The following TBC1D5 variants were observed in gnomAD, a reference collection of about 807,000 sequenced individuals.
TBC1D5 encodes TBC1 domain family, member 5.
A neutral mutation model predicts 100.3 loss-of-function variants in TBC1D5; 75 were observed. The observed-to-expected ratio is 0.75, with a 90% CI of 0.62 to 0.91. The LOEUF is 0.91. Among genes scored for constraint, TBC1D5 ranks in the 40% least tolerant of loss-of-function variants. TBC1D5 has a pLI of 0.00. For missense variants in TBC1D5, 910 were observed against 942.4 expected, an observed-to-expected ratio of 0.97 and a Z score of 0.45; for synonymous variants, 323 against 325.6, an observed-to-expected ratio of 0.99 and a Z score of 0.09.
Position 17,171,622 on chromosome 3 carries a change from G to A in TBC1D5, c.1853-3794C>T, listed in dbSNP as rs893097485. Among the ~76,000 whole-genome samples the A allele has an allele frequency of 6.2e-4, 94 of 151,936 alleles. 4 individuals are homozygous for A. Among genetic ancestry groups the A allele is most frequent in the Non-Finnish European group, 1.6e-4 (11 of 67,974 alleles). On this transcript the variant is annotated intron_variant, in intron 19 of 21. Transcript: ENST00000253692. Reference sequence around the variant, plus strand: ...GCATTCTCCCTGTATGTCTGTTATCGAAATTCCCCTCTTCTTATAAGGACA... The same window carrying A: ...GCATTCTCCCTGTATGTCTGTTATCAAAATTCCCCTCTTCTTATAAGGACA...
At chr3:17,533,070 C>T (rs886445986) in intron 2 of TBC1D5, among the ~76,000 whole-genome samples, 1 of 116,946 alleles carries the variant, frequency 8.6e-6, no homozygotes, top group Non-Finnish European at 1.8e-5. Context: ...CACACACATA[C>T]ACAGACACAC....
chr3:17,341,228 G>A (rs146039221), intron 13 of TBC1D5, among the ~76,000 whole-genome samples: 3,419 of 151,496 alleles, frequency 0.023, 124 homozygotes, highest in African/African-American at 0.077. Flanking sequence ...ATGGAGTCTC[G>A]CTCTGTCGCC....
Position 17,194,535 on chromosome 3 carries a change from T to G in TBC1D5, c.1753-9327A>C, listed in dbSNP as rs180764080. 3.5e-4 allele frequency among the ~76,000 whole-genome samples: 53 copies of G among 152,364 alleles called. No homozygotes were observed. The East Asian group carries it at 8.5e-3, about 24-fold the overall frequency. On this transcript the variant is annotated intron_variant, in intron 18 of 21. Coordinates refer to ENST00000253692, the Ensembl canonical transcript of TBC1D5. ...ACAAGTGAAATATGAATTAATTTTA[T>G]TGGATTATGCATGCTCTCTTCTGTA...
rs997796641 is a variant in TBC1D5 at position 17,412,289 on chromosome 3, G to A, written c.168-5763C>T. On this transcript the variant is annotated intron_variant, in intron 4 of 21. Transcript: ENST00000253692. Reference sequence around the variant, plus strand: ...CTGCAAAGCCCTCTGGTAGTACAGAGGGGAAAGAAATGGTTTGATACTTCA... The same window carrying A: ...CTGCAAAGCCCTCTGGTAGTACAGAAGGGAAAGAAATGGTTTGATACTTCA... Among the ~76,000 whole-genome samples, 7 of 152,066 alleles carry A rather than the reference G, an allele frequency of 4.6e-5. No homozygotes were observed. In the South Asian group the frequency reaches 1.5e-3, roughly 32 times the overall value.
intron 2 of TBC1D5, among the ~76,000 whole-genome samples, chr3:17,572,591 T>C (rs1398896614): frequency 6.6e-6 from 1 of 152,072 alleles, no homozygotes; most frequent in Non-Finnish European, 1.5e-5. Context: ...TGATACTCTA[T>C]AATGCTTCAT....
At chr3:17,259,711 A>C in intron 15 of TBC1D5, among the ~76,000 whole-genome samples, 1 of 42,638 alleles carries the variant, frequency 2.3e-5, no homozygotes, top group Admixed American at 2.9e-4. Flanking sequence ...GCATGCAGGC[A>C]CGGGGGGGGT....
intron 13 of TBC1D5, among the ~76,000 whole-genome samples, chr3:17,321,144 T>C (rs1331428447): frequency 6.6e-6 from 1 of 152,252 alleles, no homozygotes; most frequent in Non-Finnish European, 1.5e-5. Context: ...CATAGCTCAC[T>C]ACAGCCTTGA....
At chr3:17,351,273 A>T (rs200250612) in intron 13 of TBC1D5, among the ~76,000 whole-genome samples, 2 of 152,190 alleles carry the variant, frequency 1.3e-5, no homozygotes, top group South Asian at 2.1e-4. Context: ...ATAAAGACAC[A>T]TGCACATGTG....
intron 1 of TBC1D5, among the ~76,000 whole-genome samples, chr3:17,653,060 T>A (rs1015422744): frequency 1.3e-5 from 2 of 152,202 alleles, no homozygotes; most frequent in East Asian, 3.8e-4. Context: ...AAAGTCACTA[T>A]TATTCCACTT....
chr3:17,708,731 T>C (rs1047690390), intron 1 of TBC1D5, among the ~76,000 whole-genome samples: 1 of 152,268 alleles, frequency 6.6e-6, no homozygotes, highest in African/African-American at 2.4e-5. Flanking sequence ...TGTATTGATA[T>C]ATTTTCCATT....
At chr3:17,467,039 G>C (rs2095311700) in intron 3 of TBC1D5, among the ~76,000 whole-genome samples, 2 of 151,746 alleles carry the variant, frequency 1.3e-5, no homozygotes, top group Admixed American at 1.3e-4. Flanking sequence ...ATTAATAGTG[G>C]GTATGACAAC....
At chr3:17,209,406 C>T (rs1487956228) in intron 18 of TBC1D5, among the ~76,000 whole-genome samples, 3 of 152,206 alleles carry the variant, frequency 2.0e-5, no homozygotes, top group African/African-American at 7.2e-5. Flanking sequence ...CCAACTCAGC[C>T]TCCCTAAGTG....
intron 19 of TBC1D5, among the ~76,000 whole-genome samples, chr3:17,182,478 G>T (rs2068560067): frequency 2.0e-5 from 3 of 152,186 alleles, no homozygotes; most frequent in African/African-American, 7.2e-5. Flanking sequence ...AGCAAAAGCT[G>T]TTTGAAAATT....
Position 17,329,749 on chromosome 3 carries a change from A to C in TBC1D5, c.996-21615T>G, listed in dbSNP as rs58611463. The stretch of plus-strand genomic sequence containing the variant: ...ACATTTCCTTGGTCTCACAGTCCCC[A>C]GCTCCTTGGTTTTACTTCCTAAAGA... On this transcript the variant is annotated intron_variant, in intron 13 of 21. Coordinates refer to ENST00000253692, the Ensembl canonical transcript of TBC1D5. Among the ~76,000 whole-genome samples, 812 of 152,222 alleles carry C rather than the reference A, an allele frequency of 5.3e-3. 11 individuals carry two copies. The highest frequency in any genetic ancestry group is 0.019 in the African/African-American group (781 of 41,538).
In TBC1D5 at chr3:17,374,591, G is replaced by T. The variant is rs2092623193; in HGVS notation, c.752+38C>A. ...TGTAACTTTCATTAAAATAATGATGGTATAAAAAAATAAAACAAAGAAAGT... is the reference window on the plus strand; with the variant it reads ...TGTAACTTTCATTAAAATAATGATGTTATAAAAAAATAAAACAAAGAAAGT... On this transcript the variant is annotated intron_variant, in intron 11 of 21. Transcript: ENST00000253692. 3.7e-6 allele frequency: 6 copies of T among 1,608,862 alleles called. No individual in the cohort carries two copies. In the African/African-American group the frequency reaches 4.0e-5, roughly 11 times the overall value.
intron 7 of TBC1D5, 32 bp downstream of exon 7, chr3:17,404,660 AAG>A: frequency 6.5e-7 from 1 of 1,549,104 alleles, no homozygotes; most frequent in Non-Finnish European, 8.7e-7. Flanking sequence ...TTAGCAGCAA[AAG>A]AGGTTAAGAC....
At chr3:17,546,350 T>C (rs1189262054) in intron 2 of TBC1D5, among the ~76,000 whole-genome samples, 1 of 152,202 alleles carries the variant, frequency 6.6e-6, no homozygotes, top group Non-Finnish European at 1.5e-5. Flanking sequence ...CTTACAAACA[T>C]GGCCTCAATT....
intron 1 of TBC1D5, among the ~76,000 whole-genome samples, chr3:17,639,560 C>T (rs773961524): frequency 4.8e-4 from 73 of 151,598 alleles, no homozygotes; most frequent in Non-Finnish European, 1.8e-4. Flanking sequence ...CCAAAGATAA[C>T]TTTTTGCGTG....
chr3:17,405,214 T>G (rs1200464301), intron 5 of TBC1D5, among the ~76,000 whole-genome samples: 3 of 151,996 alleles, frequency 2.0e-5, no homozygotes, highest in African/African-American at 7.2e-5. Context: ...AAGCTCCCCT[T>G]CAGATTTACA....
Sources: gnomAD v4.1 joint callset for allele counts (sites outside exome capture counted in the v4.1 genomes callset) on GRCh38, gnomAD v4.1.1 for gene constraint, MANE v1.5 for transcripts, NCBI Gene and HGNC (gene_info 2026-07-23, HGNC 2026-07-21) for gene names.